The following PARS2 variants were observed in gnomAD, a reference collection of about 807,000 sequenced individuals.
The protein encoded by PARS2 is probable proline--tRNA ligase, mitochondrial.
In PARS2, 20 loss-of-function variants were observed where a neutral mutation model predicts 27.4. That is an observed-to-expected ratio of 0.73 (90% CI 0.51 to 1.06). The LOEUF (loss-of-function observed/expected upper bound fraction) is 1.06, where lower values mean the gene tolerates loss of function less well. Ranked by LOEUF, PARS2 falls within the 50% of genes least tolerant of loss-of-function variation. The pLI, the probability that PARS2 is intolerant of heterozygous loss-of-function variation, is 0.00. For missense variants in PARS2, 585 were observed against 602.1 expected, an observed-to-expected ratio of 0.97 and a Z score of 0.30; for synonymous variants, 240 against 247.1, an observed-to-expected ratio of 0.97 and a Z score of 0.27.
intron 1 of PARS2, among the ~76,000 whole-genome samples, chr1:54,760,744 A>C (rs1481246032): frequency 2.7e-5 from 4 of 149,518 alleles, no homozygotes; most frequent in African/African-American, 7.4e-5. Flanking sequence ...GCCTCATCTC[A>C]CCACTGCCCC....
rs2101405894 is a variant in PARS2 at position 54,757,979 on chromosome 1, C to T, written c.1183G>A (p.Asp395Asn). ...TGAGGCACTGCCTCTGTGATGTGGT[C>T]GTACAGCTGCCCTATGAGCTCGGAG... is the stretch of plus-strand genomic sequence containing the variant. ...AASELIGQLY[D>N]HITEAVPQLH... Residue 395 changes from aspartate to asparagine, a missense_variant, in exon 2 of 2, where the codon GAC becomes AAC. By Grantham distance (23) the Asp-to-Asn change is conservative (BLOSUM62 1). Transcript: ENST00000371279. 8 of 1,614,102 alleles carry T rather than the reference C, an allele frequency of 5.0e-6. No homozygotes were observed. Among genetic ancestry groups the T allele is most frequent in the Admixed American group, 1.7e-5 (1 of 60,012 alleles).
Position 54,758,846 on chromosome 1 carries a change from C to A in PARS2, c.316G>T (p.Asp106Tyr). 6.2e-7 allele frequency: 1 copy of A among 1,614,240 alleles called. No homozygotes were observed. The highest frequency in any genetic ancestry group is 8.5e-7 in the Non-Finnish European group (1 of 1,180,050). Reference sequence around the variant, plus strand: ...CCCCCGATGGCCTGCATCTCCTGGTCTATCACTCGCACGAGCTTCTCCATG... The same window carrying A: ...CCCCCGATGGCCTGCATCTCCTGGTATATCACTCGCACGAGCTTCTCCATG... ...RAMEKLVRVI[D>Y]QEMQAIGGQK... The change falls in exon 2 of 2, where the codon GAC (aspartate) becomes TAC (tyrosine). Residue 106 changes from aspartate to tyrosine, a missense_variant. Coordinates refer to ENST00000371279, the MANE Select transcript of PARS2 (RefSeq NM_152268.4).
In PARS2 at chr1:54,757,548, T is replaced by G; in HGVS notation, c.*186A>C. 1 of 557,046 alleles carries G rather than the reference T, an allele frequency of 1.8e-6. No homozygotes were observed. Among genetic ancestry groups the G allele is most frequent in the Non-Finnish European group, 3.2e-6 (1 of 315,348 alleles). The allele number at this position is 557,046 out of a possible 1,614,324, so 34.5% of individuals were successfully genotyped here. A position where few individuals can be genotyped will look rare whatever the true frequency, so the allele number is the denominator to read the frequency against. ...GGCCAGTCTGGAGAAAGGGATCAAG[T>G]TAATGACTTTAAATACAAATAATCT... On this transcript the variant is annotated 3_prime_UTR_variant, in exon 2 of 2. Transcript: ENST00000371279.
In PARS2 at chr1:54,758,672, C is replaced by G. The variant is rs763794803; in HGVS notation, c.490G>C (p.Ala164Pro). ...AGTTTCTTCTGGGAGGCAATTAAGG[C>G]CGTAATGGCTTCCTCGTGAGTTGGT... ...LGPTHEEAIT[A>P]LIASQKKLSY... is the part of the protein sequence containing the mutation. The change falls in exon 2 of 2, where the codon GCC becomes CCC. Residue 164 changes from alanine to proline, a missense_variant. Coordinates refer to ENST00000371279, the MANE Select transcript of PARS2 (RefSeq NM_152268.4). 3 of 1,614,198 alleles carry G rather than the reference C, an allele frequency of 1.9e-6. No individual in the cohort carries two copies. In the African/African-American group the frequency reaches 4.0e-5, roughly 22 times the overall value.
Position 54,758,052 on chromosome 1 carries a change from G to C in PARS2, c.1110C>G (p.Tyr370Ter). The C allele has an allele frequency of 6.2e-7, 1 of 1,613,998 alleles. No homozygotes were observed. The highest frequency in any genetic ancestry group is 8.5e-7 in the Non-Finnish European group (1 of 1,179,952). ...CVRWPSLLAPYQACLIPPKKG... is the reference protein window; with the variant it reads ...CVRWPSLLAP Reference sequence around the variant, plus strand: ...TCTTAGGGGGGATGAGGCAGGCTTGGTAAGGGGCCAGTAGGCTGGGCCAGC... The same window carrying C: ...TCTTAGGGGGGATGAGGCAGGCTTGCTAAGGGGCCAGTAGGCTGGGCCAGC... The change falls in exon 2 of 2, where the codon TAC (tyrosine) becomes TAG (stop). Residue 370 changes from tyrosine to a stop codon, truncating the protein, a stop_gained. Transcript: ENST00000371279. LOFTEE classifies it high-confidence loss of function.
intron 1 of PARS2, among the ~76,000 whole-genome samples, chr1:54,761,061 A>G (rs1417112719): frequency 1.3e-5 from 2 of 152,168 alleles, no homozygotes; most frequent in Non-Finnish European, 2.9e-5. Context: ...TACAGGTGTG[A>G]GCCACTGCGC....
rs200135533 is a variant in PARS2 at position 54,758,597 on chromosome 1, G to A, written c.565C>T (p.Arg189Trp). The change falls in exon 2 of 2, where the codon CGG (arginine) becomes TGG (tryptophan). Residue 189 changes from arginine (R) to tryptophan (W), a missense_variant. By Grantham distance (101) the Arg-to-Trp change is moderately radical (BLOSUM62 -3). Transcript: ENST00000371279. The stretch of plus-strand genomic sequence containing the variant: ...CCAAAGCGGGGCCTGGGCTCATCCC[G>A]AAACTTCCTTGTCACTTGGTACAGC... The part of the protein sequence containing the change: ...FLLYQVTRKF[R>W]DEPRPRFGLL... The A allele has an allele frequency of 3.1e-6, 5 of 1,614,192 alleles. No homozygotes were observed. The highest frequency in any genetic ancestry group is 2.2e-5 in the East Asian group (1 of 44,874).
At position 54,758,834 on chromosome 1, in the gene PARS2, G is replaced by C. The variant is rs770846623; in HGVS notation, c.328C>G (p.Gln110Glu). ...TTGACTTTCTGGCCCCCGATGGCCT[G>C]CATCTCCTGGTCTATCACTCGCACG... ...KLVRVIDQEM[Q>E]AIGGQKVNMP... Residue 110 changes from glutamine to glutamate, a missense_variant, in exon 2 of 2, where the codon CAG becomes GAG. Gln to Glu is a conservative substitution (Grantham distance 29). Coordinates refer to ENST00000371279, the MANE Select transcript of PARS2 (RefSeq NM_152268.4). The C allele has an allele frequency of 6.2e-7, 1 of 1,614,252 alleles. No homozygotes were observed. Among genetic ancestry groups the C allele is most frequent in the South Asian group, 1.1e-5 (1 of 91,088 alleles).
intron 1 of PARS2, among the ~76,000 whole-genome samples, chr1:54,759,882 T>C (rs781607511): frequency 1.1e-4 from 16 of 152,034 alleles, no homozygotes; most frequent in Non-Finnish European, 1.2e-4. Flanking sequence ...GACACGCCTG[T>C]AATCCCAGCT....
chr1:54,759,339 A>T, intron 1 of PARS2, 149 bp from the exon 2 acceptor site: 1 of 562,170 alleles, frequency 1.8e-6, no homozygotes, highest in East Asian at 2.9e-5. Context: ...TAGCAGATCA[A>T]AGCACTATTT....
rs1296985454 is a variant in PARS2, at chr1:54,756,913, TTTA to T, written c.*818_*820del. On this transcript the variant is annotated 3_prime_UTR_variant, in exon 2 of 2. Coordinates refer to ENST00000371279, the MANE Select transcript of PARS2 (RefSeq NM_152268.4). ...GCAAGGCCCATTCCAATAGTTTGAC[TTTA>T]TTAAATCAATAGAACGGGATCTCAG... 38 of 152,330 alleles carry T rather than the reference TTTA, an allele frequency of 2.5e-4. No individual in the cohort carries two copies. The highest frequency in any genetic ancestry group is 3.2e-4 in the Non-Finnish European group (22 of 68,024). 9.4% of individuals were successfully genotyped at this position (152,330 alleles called of 1,614,324 possible).
rs1365686720 is a variant in PARS2, at chr1:54,757,729, G to A, written c.*5C>T. On this transcript the variant is annotated 3_prime_UTR_variant, in exon 2 of 2. Transcript: ENST00000371279. ...CAAATGGGGGCAGGGGTGGGCTGGG[G>A]GCATTTAGACAGTCTGCACTGGGGT... 4.4e-6 allele frequency: 7 copies of A among 1,584,260 alleles called. No individual in the cohort carries two copies. The highest frequency in any genetic ancestry group is 1.1e-5 in the South Asian group (1 of 88,162).
Position 54,757,572 on chromosome 1 carries a change from C to G in PARS2, c.*162G>C. On this transcript the variant is annotated 3_prime_UTR_variant, in exon 2 of 2. Transcript: ENST00000371279. ...GTTAATGACTTTAAATACAAATAAT[C>G]TGAACAAATGACTAGATAAAAATTG... 1 of 580,176 alleles carries G rather than the reference C, an allele frequency of 1.7e-6. No homozygotes were observed. Among genetic ancestry groups the G allele is most frequent in the Non-Finnish European group, 3.0e-6 (1 of 328,356 alleles). 35.9% of individuals were successfully genotyped at this position (580,176 alleles called of 1,614,324 possible). A position where few individuals can be genotyped will look rare whatever the true frequency, so the allele number is the denominator to read the frequency against.
rs1646128020 is a variant in PARS2, at chr1:54,757,662, G to T, written c.*72C>A. 3 of 975,012 alleles carry T rather than the reference G, an allele frequency of 3.1e-6. No individual in the cohort carries two copies. The highest frequency in any genetic ancestry group is 1.6e-5 in the South Asian group (1 of 64,270). 60.4% of individuals were successfully genotyped at this position (975,012 alleles called of 1,614,324 possible). On this transcript the variant is annotated 3_prime_UTR_variant, in exon 2 of 2. Transcript: ENST00000371279. ...TTTCTGGAGAGAGCAGTCCAGGAAA[G>T]GGGTGTAGGAAAATGCAGTGTTAGA...
At position 54,759,138 on chromosome 1, in the gene PARS2, G is replaced by A. The variant is rs1307945548; in HGVS notation, c.24C>T (p.Cys8=). The change falls in exon 2 of 2, where the codon TGC becomes TGT. Residue 8 remains cysteine, a synonymous_variant. Transcript: ENST00000371279. The part of the protein sequence containing the change: MEGLLTR[C]RALPALATCS... The stretch of plus-strand genomic sequence containing the variant: ...AGGTGGCCAGGGCGGGCAATGCTCT[G>A]CATCTTGTCAGCAGCCCTTCCATGA... 12 of 1,595,956 alleles carry A rather than the reference G, an allele frequency of 7.5e-6. No homozygotes were observed. Among genetic ancestry groups the A allele is most frequent in the Non-Finnish European group, 1.0e-5 (12 of 1,167,204 alleles).
chr1:54,760,939 C>T (rs148361680), intron 1 of PARS2, among the ~76,000 whole-genome samples: 1 of 152,242 alleles, frequency 6.6e-6, no homozygotes, highest in East Asian at 1.9e-4. Flanking sequence ...CCACCATGCC[C>T]GCTAATTTTT....
chr1:54,757,437 C>A lies in PARS2; in HGVS notation c.*297G>T. 1 of 279,460 alleles carries A rather than the reference C, an allele frequency of 3.6e-6. No individual in the cohort carries two copies. 17.3% of individuals were successfully genotyped at this position (279,460 alleles called of 1,614,324 possible). On this transcript the variant is annotated 3_prime_UTR_variant, in exon 2 of 2. Coordinates refer to ENST00000371279, the MANE Select transcript of PARS2 (RefSeq NM_152268.4). Reference sequence around the variant, plus strand: ...AGTGACTTCCCCCCTCAGGGTAACACCCAGGACTGGAGCTTGGATCTCCTG... The same window carrying A: ...AGTGACTTCCCCCCTCAGGGTAACAACCAGGACTGGAGCTTGGATCTCCTG...
rs143836552 is a variant in PARS2 at position 54,758,007 on chromosome 1, C to T, written c.1155G>A (p.Ala385=). ...ACAGCTGCCCTATGAGCTCGGAGGC[C>T]GCCTGCTCCTTACTGCCCTTCTTAG... ...IPPKKGSKEQ[A]ASELIGQLYD... is the part of the protein sequence containing the mutation. The change falls in exon 2 of 2, where the codon GCG becomes GCA. Residue 385 remains alanine, a synonymous_variant. Transcript: ENST00000371279. 20 of 1,613,990 alleles carry T rather than the reference C, an allele frequency of 1.2e-5. No individual in the cohort carries two copies. The highest frequency in any genetic ancestry group is 1.2e-4 in the Admixed American group (7 of 59,994).
In PARS2 at chr1:54,757,650, C is replaced by G. The variant is rs1646127961; in HGVS notation, c.*84G>C. On this transcript the variant is annotated 3_prime_UTR_variant, in exon 2 of 2. Transcript: ENST00000371279. ...TGAGCTGTGCTGTTTCTGGAGAGAG[C>G]AGTCCAGGAAAGGGGTGTAGGAAAA... is the stretch of plus-strand genomic sequence containing the variant. 6.0e-6 allele frequency: 5 copies of G among 827,126 alleles called. No homozygotes were observed. The East Asian group carries it at 1.3e-4, about 21-fold the overall frequency. The allele number at this position is 827,126 out of a possible 1,614,324, so 51.2% of individuals were successfully genotyped here. A position where few individuals can be genotyped will look rare whatever the true frequency, so the allele number is the denominator to read the frequency against.
Sources: gnomAD v4.1 joint callset for allele counts (sites outside exome capture counted in the v4.1 genomes callset) on GRCh38, gnomAD v4.1.1 for gene constraint, MANE v1.5 for transcripts, NCBI Gene and HGNC (gene_info 2026-07-23, HGNC 2026-07-21) for gene names.